Variants in ZNF438 observed in about 807,000 individuals in gnomAD.
ZNF438 encodes the protein zinc finger protein 438.
In ZNF438, 25 loss-of-function variants were observed where a neutral mutation model predicts 38.0. That is an observed-to-expected ratio of 0.66 (90% CI 0.48 to 0.92). ZNF438 has a LOEUF of 0.92. ZNF438 is among the 40% of genes least tolerant of loss of function. ZNF438 has a pLI of 0.00. For missense variants in ZNF438, 1,007 were observed against 999.6 expected (o/e 1.01, Z -0.10); for synonymous variants, 372 against 364.1 (o/e 1.02, Z -0.25).
chr10:30,967,652 G>A (rs1022716899), intron 1 of ZNF438, among the ~76,000 whole-genome samples: 1 of 152,154 alleles, frequency 6.6e-6, no homozygotes, highest in Non-Finnish European at 1.5e-5. Context: ...CTGCTCTGGT[G>A]TTGTTTTAAA....
chr10:30,950,350 A>G (rs1360349554), intron 1 of ZNF438, among the ~76,000 whole-genome samples: 31 of 150,194 alleles, frequency 2.1e-4, no homozygotes, highest in African/African-American at 5.8e-4. Flanking sequence ...TAGAAAAGCA[A>G]GAGCAAACAC....
At chr10:30,867,649 T>C (rs758184819) in intron 4 of ZNF438, among the ~76,000 whole-genome samples, 1 of 152,192 alleles carries the variant, frequency 6.6e-6, no homozygotes, top group Non-Finnish European at 1.5e-5. Flanking sequence ...TATAATTGTG[T>C]GTGTTGATGA....
At position 30,940,366 on chromosome 10, in the gene ZNF438, C is replaced by G. The variant is rs78662746; in HGVS notation, c.-115+1209G>C. Among the ~76,000 whole-genome samples the G allele has an allele frequency of 4.9e-3, 749 of 152,258 alleles. 10 individuals are homozygous for G. Among genetic ancestry groups the G allele is most frequent in the African/African-American group, 0.017 (699 of 41,554 alleles). On this transcript the variant is annotated intron_variant, in intron 2 of 5. Transcript: ENST00000413025. ...GATACAAACAAAACATTAGATGACA[C>G]TGGCAGAGAGAGAAAGAGCTAGTGC...
intron 4 of ZNF438, among the ~76,000 whole-genome samples, chr10:30,873,234 A>G (rs2037787825): frequency 6.6e-6 from 1 of 152,228 alleles, no homozygotes; most frequent in South Asian, 2.1e-4. Context: ...AATTGTAACA[A>G]AATAAGTCTC....
chr10:31,007,250 T>C, intron 1 of ZNF438, among the ~76,000 whole-genome samples: 1 of 151,872 alleles, frequency 6.6e-6, no homozygotes, highest in Admixed American at 6.6e-5. Flanking sequence ...ATTTGTGTTG[T>C]TTTAAGTCAC....
intron 3 of ZNF438, among the ~76,000 whole-genome samples, chr10:30,885,849 A>G (rs577436897): frequency 3.2e-4 from 48 of 152,326 alleles, no homozygotes; most frequent in Middle Eastern, 3.4e-3. Flanking sequence ...AAAAGCTGGG[A>G]AAGGAACGAA....
chr10:31,006,198 T>C (rs534074989), intron 1 of ZNF438, among the ~76,000 whole-genome samples: 1 of 152,304 alleles, frequency 6.6e-6, no homozygotes, highest in South Asian at 2.1e-4. Flanking sequence ...AGTCCCTGGG[T>C]AGCTTCAGGA....
chr10:30,993,352 C>T (rs1023093688), intron 1 of ZNF438, among the ~76,000 whole-genome samples: 2 of 152,342 alleles, frequency 1.3e-5, no homozygotes, highest in Non-Finnish European at 2.9e-5. Flanking sequence ...CTGTCCAGGA[C>T]TGCCTCAGGA....
intron 1 of ZNF438, among the ~76,000 whole-genome samples, chr10:31,029,804 T>TG (rs1285701918): frequency 5.3e-5 from 8 of 152,230 alleles, no homozygotes; most frequent in African/African-American, 1.7e-4. Context: ...TGACCATCAT[T>TG]GGCCACTACT....
rs548584790 is a variant in ZNF438 at position 30,940,442 on chromosome 10, T to G, written c.-115+1133A>C. 4.6e-5 allele frequency among the ~76,000 whole-genome samples: 7 copies of G among 152,202 alleles called. No homozygotes were observed. In the East Asian group the frequency reaches 1.4e-3, roughly 29 times the overall value. On this transcript the variant is annotated intron_variant, in intron 2 of 5. Transcript: ENST00000413025. ...TGTCATAGAGAGGCTTGCACAGGGT[T>G]TCAACGTGCAGAGGAAATAGTGTCA...
At chr10:30,958,555 C>T (rs1589426520) in intron 1 of ZNF438, among the ~76,000 whole-genome samples, 1 of 146,658 alleles carries the variant, frequency 6.8e-6, no homozygotes, top group African/African-American at 2.4e-5. Context: ...GATTGAAGTG[C>T]AATTTATATG....
intron 1 of ZNF438, among the ~76,000 whole-genome samples, chr10:30,954,118 A>C (rs750133800): frequency 1.3e-5 from 2 of 152,160 alleles, no homozygotes; most frequent in Non-Finnish European, 2.9e-5. Context: ...ACTCCAGCCC[A>C]GGCGACAGTG....
intron 4 of ZNF438, among the ~76,000 whole-genome samples, chr10:30,858,532 AC>A (rs2035062841): frequency 6.6e-6 from 1 of 152,242 alleles, no homozygotes; most frequent in Admixed American, 6.5e-5. Flanking sequence ...TTTATTGAGC[AC>A]TGACTATGGA....
chr10:30,991,529 G>A (rs1158172713), intron 1 of ZNF438, among the ~76,000 whole-genome samples: 1 of 152,222 alleles, frequency 6.6e-6, no homozygotes, highest in African/African-American at 2.4e-5. Flanking sequence ...GTGTCACTCT[G>A]GAAGAAGTGA....
chr10:30,952,559 AAAAC>A (rs1475867008), intron 1 of ZNF438, among the ~76,000 whole-genome samples: 4 of 145,516 alleles, frequency 2.7e-5, no homozygotes, highest in African/African-American at 5.0e-5. Flanking sequence ...TTACAAGAAA[AAAAC>A]AAACAACCCC....
chr10:30,956,564 T>C (rs1163662258), intron 1 of ZNF438, among the ~76,000 whole-genome samples: 2 of 152,184 alleles, frequency 1.3e-5, no homozygotes, highest in East Asian at 3.8e-4. Flanking sequence ...TCATCTCTCC[T>C]ATCTCTTCCC....
intron 3 of ZNF438, among the ~76,000 whole-genome samples, chr10:30,901,116 C>A (rs1331202987): frequency 2.0e-5 from 3 of 152,168 alleles, no homozygotes; most frequent in African/African-American, 7.2e-5. Flanking sequence ...CACTAATAAT[C>A]AGGAAGTCGC....
chr10:31,001,735 T>C (rs1211159036), intron 1 of ZNF438, among the ~76,000 whole-genome samples: 1 of 152,210 alleles, frequency 6.6e-6, no homozygotes, highest in Non-Finnish European at 1.5e-5. Flanking sequence ...TGTTATTCCA[T>C]CACCCTAACA....
intron 3 of ZNF438, among the ~76,000 whole-genome samples, chr10:30,903,932 G>A (rs910980288): frequency 1.3e-5 from 2 of 151,212 alleles, no homozygotes; most frequent in African/African-American, 2.4e-5. Context: ...AATAAAGATG[G>A]AAAGGAGAAA....
Sources: gnomAD v4.1 joint callset for allele counts (sites outside exome capture counted in the v4.1 genomes callset) on GRCh38, gnomAD v4.1.1 for gene constraint, MANE v1.5 for transcripts, NCBI Gene and HGNC (gene_info 2026-07-23, HGNC 2026-07-21) for gene names.